Variants in DUSP22 observed in about 807,000 individuals in gnomAD.
DUSP22 encodes dual specificity phosphatase 22.
DUSP22 carries 24 observed loss-of-function variants against 24.5 expected under a neutral mutation model. The observed-to-expected ratio is 0.98, with a 90% CI of 0.71 to 1.38. DUSP22 has a LOEUF of 1.38. Among genes scored for constraint, DUSP22 ranks in the 40% most tolerant of loss-of-function variants. DUSP22 has a pLI of 0.00. For missense variants in DUSP22, 330 were observed against 269.2 expected (o/e 1.23, Z -1.58); for synonymous variants, 160 against 106.4 (o/e 1.50, Z -3.10).
At chr6:325,857 G>T in intron 3 of DUSP22, 1 of 179,546 alleles carries the variant, frequency 5.6e-6, no homozygotes, top group Admixed American at 6.9e-5. Flanking sequence ...TGTGTGCAAT[G>T]CTGTATCTGC....
Position 351,100 on chromosome 6 carries a change from A to G in DUSP22, c.*2149A>G, listed in dbSNP as rs1193226593. 70 of 673,610 alleles carry G rather than the reference A, an allele frequency of 1.0e-4. No individual in the cohort carries two copies. The highest frequency in any genetic ancestry group is 1.5e-4 in the Non-Finnish European group (64 of 416,690). 41.7% of individuals were successfully genotyped at this position (673,610 alleles called of 1,614,324 possible). ...GTGGAGGTTTCTGTACCTCGCTTGG[A>G]TGCCTGTAAGGATCCCGGGAGCCTT... On this transcript the variant is annotated 3_prime_UTR_variant, in exon 7 of 7. Coordinates refer to ENST00000419235, the MANE Select transcript of DUSP22 (RefSeq NM_001286555.3).
chr6:342,247 CT>C (rs1328311289), intron 4 of DUSP22, among the ~76,000 whole-genome samples: 2 of 152,312 alleles, frequency 1.3e-5, no homozygotes, highest in African/African-American at 2.4e-5. Context: ...TCTAGATTTG[CT>C]TTTGCTTTTT....
chr6:316,118 C>CT (rs1272232857), intron 3 of DUSP22, among the ~76,000 whole-genome samples: 1 of 152,302 alleles, frequency 6.6e-6, no homozygotes. Flanking sequence ...TCTGAGAACT[C>CT]TGAGTCCAGC....
At chr6:328,301 G>A (rs539253822) in intron 3 of DUSP22, among the ~76,000 whole-genome samples, 3 of 152,424 alleles carry the variant, frequency 2.0e-5, no homozygotes, top group Non-Finnish European at 2.9e-5. Context: ...TCAGTGGTGA[G>A]ACGGAGCTAG....
At chr6:293,268 G>T (rs1031115974) in intron 1 of DUSP22, among the ~76,000 whole-genome samples, 4 of 152,288 alleles carry the variant, frequency 2.6e-5, no homozygotes, top group African/African-American at 9.6e-5. Context: ...CTTCCCGGGC[G>T]GTGGGCTAGC....
chr6:337,063 G>A (rs991383082), intron 4 of DUSP22: 2 of 152,522 alleles, frequency 1.3e-5, no homozygotes, highest in Non-Finnish European at 2.9e-5. Flanking sequence ...TCTGCTGTCA[G>A]TGCAGGTGGC....
At chr6:321,201 C>A (rs1024633337) in intron 3 of DUSP22, among the ~76,000 whole-genome samples, 159 of 152,356 alleles carry the variant, frequency 1.0e-3, no homozygotes, top group Non-Finnish European at 1.2e-3. Context: ...ACAGGGTGCA[C>A]TAAGGGATGG....
chr6:333,095 T>C (rs1226822221), intron 3 of DUSP22, among the ~76,000 whole-genome samples: 1 of 152,310 alleles, frequency 6.6e-6, no homozygotes. Context: ...TGTTTTCCCT[T>C]GAAGTCCGAG....
At chr6:343,776 C>T (rs557965551) in intron 4 of DUSP22, among the ~76,000 whole-genome samples, 3 of 115,184 alleles carry the variant, frequency 2.6e-5, no homozygotes, top group East Asian at 2.3e-4. Flanking sequence ...GCCGTGAGGT[C>T]GCTGAGTTTC....
intron 1 of DUSP22, among the ~76,000 whole-genome samples, chr6:303,854 GT>G (rs1757696128): frequency 6.6e-6 from 1 of 152,306 alleles, no homozygotes; most frequent in African/African-American, 2.4e-5. Flanking sequence ...GGGGCTGGAG[GT>G]GGAGAGGAGG....
At chr6:304,518 G>A in intron 1 of DUSP22, 110 bp from the exon 2 acceptor site, 1 of 1,494,924 alleles carries the variant, frequency 6.7e-7, no homozygotes. Context: ...GTGCTGTACT[G>A]GGGAAGCACC....
chr6:312,758 G>A (rs1157512620), intron 3 of DUSP22, among the ~76,000 whole-genome samples: 1 of 152,294 alleles, frequency 6.6e-6, no homozygotes, highest in East Asian at 1.9e-4. Context: ...AGTAGGTAAT[G>A]TTTTTTATTT....
At chr6:307,336 CCCTT>C (rs1177199451) in intron 2 of DUSP22, among the ~76,000 whole-genome samples, 3 of 152,296 alleles carry the variant, frequency 2.0e-5, no homozygotes, top group Non-Finnish European at 2.9e-5. Context: ...CTCCCTCCCT[CCCTT>C]CCTTCTCCTC....
At chr6:300,884 C>T (rs1348621222) in intron 1 of DUSP22, among the ~76,000 whole-genome samples, 2 of 152,308 alleles carry the variant, frequency 1.3e-5, no homozygotes, top group Non-Finnish European at 2.9e-5. Flanking sequence ...TCAGGGGCAA[C>T]CTTGGCAGGA....
chr6:299,252 G>A (rs1429380291), intron 1 of DUSP22, among the ~76,000 whole-genome samples: 1 of 152,302 alleles, frequency 6.6e-6, no homozygotes, highest in Non-Finnish European at 1.5e-5. Flanking sequence ...TGGCCTGACT[G>A]GTCAGCCAGG....
chr6:312,091 C>T (rs1758136747), intron 3 of DUSP22, 129 bp downstream of exon 3: 3 of 1,030,708 alleles, frequency 2.9e-6, no homozygotes, highest in East Asian at 2.8e-5. Context: ...GCGGCATTCC[C>T]ATTGTGTTCA....
intron 2 of DUSP22, among the ~76,000 whole-genome samples, chr6:307,512 C>T (rs1370833394): frequency 6.6e-6 from 1 of 152,312 alleles, no homozygotes; most frequent in Non-Finnish European, 1.5e-5. Context: ...GTCTTTGGGT[C>T]TTCGATGCTT....
chr6:339,092 T>C (rs1759483591), intron 4 of DUSP22, among the ~76,000 whole-genome samples: 1 of 152,310 alleles, frequency 6.6e-6, no homozygotes, highest in South Asian at 2.1e-4. Flanking sequence ...AGAGTTGTAA[T>C]AACCCCACAG....
intron 3 of DUSP22, among the ~76,000 whole-genome samples, chr6:316,254 G>T (rs1474420507): frequency 1.3e-5 from 2 of 152,308 alleles, no homozygotes; most frequent in East Asian, 3.8e-4. Flanking sequence ...GGGTCTTCCT[G>T]CCAGCCATAG....
Sources: gnomAD v4.1 joint callset for allele counts (sites outside exome capture counted in the v4.1 genomes callset) on GRCh38, gnomAD v4.1.1 for gene constraint, MANE v1.5 for transcripts, NCBI Gene and HGNC (gene_info 2026-07-23, HGNC 2026-07-21) for gene names.